SAMD12: variants seen among roughly 807,000 people sequenced by gnomAD.
SAMD12 encodes the protein sterile alpha motif domain containing 12.
A neutral mutation model predicts 15.0 loss-of-function variants in SAMD12; 9 were observed. The observed-to-expected ratio is 0.60, with a 90% CI of 0.36 to 1.05. The LOEUF (loss-of-function observed/expected upper bound fraction) is 1.05. Ranked by LOEUF, SAMD12 falls within the 50% of genes least tolerant of loss-of-function variation. The pLI is 0.01. For missense variants in SAMD12, 230 were observed against 234.2 expected (o/e 0.98, Z 0.12); for synonymous variants, 86 against 90.1 (o/e 0.96, Z 0.25).
At chr8:118,145,452 C>T in the SAMD12 span, among the ~76,000 whole-genome samples, 1 of 152,310 alleles carries the variant, frequency 6.6e-6, no homozygotes, top group East Asian at 1.9e-4. Context: ...TTCATTCATT[C>T]AATCCTTTCA....
At chr8:118,281,256 A>G (rs1310210495) in intron 4 of SAMD12, among the ~76,000 whole-genome samples, 2 of 152,216 alleles carry the variant, frequency 1.3e-5, no homozygotes, top group Non-Finnish European at 2.9e-5. Flanking sequence ...AGTAGTAAGA[A>G]GGAAAGAACT....
At chr8:118,487,956 C>A (rs1824334404) in intron 2 of SAMD12, among the ~76,000 whole-genome samples, 1 of 152,100 alleles carries the variant, frequency 6.6e-6, no homozygotes. Context: ...TCCATTGTTA[C>A]CCCACAACAG....
At chr8:118,532,639 A>G (rs191562635) in intron 2 of SAMD12, among the ~76,000 whole-genome samples, 1 of 152,232 alleles carries the variant, frequency 6.6e-6, no homozygotes, top group African/African-American at 2.4e-5. Context: ...CTATTCAGAG[A>G]TTCAATTTCT....
chr8:118,235,724 A>C (rs552335428), intron 4 of SAMD12, among the ~76,000 whole-genome samples: 2 of 152,286 alleles, frequency 1.3e-5, no homozygotes, highest in East Asian at 3.9e-4. Flanking sequence ...CAAAAGAAAC[A>C]AGGACCACCA....
intron 2 of SAMD12, among the ~76,000 whole-genome samples, chr8:118,501,815 G>C (rs1007703605): frequency 6.6e-6 from 1 of 152,188 alleles, no homozygotes; most frequent in Non-Finnish European, 1.5e-5. Flanking sequence ...AGGAGATCGA[G>C]ACCATCCTGG....
chr8:118,490,548 A>C (rs1460371410), intron 2 of SAMD12, among the ~76,000 whole-genome samples: 1 of 152,216 alleles, frequency 6.6e-6, no homozygotes, highest in Non-Finnish European at 1.5e-5. Context: ...GGTTCAGCTA[A>C]GAGTAACAAC....
exon 5 of SAMD12, chr8:118,195,878 G>C (rs758378122): frequency 4.6e-5 from 7 of 152,410 alleles, no homozygotes; most frequent in Non-Finnish European, 8.8e-5. Context: ...ATGGGCAGTG[G>C]AGACTGGAAT....
intron 1 of SAMD12, 177 bp downstream of exon 1, chr8:118,621,623 GAATT>G (rs1366000033): frequency 6.0e-6 from 4 of 670,554 alleles, no homozygotes; most frequent in Non-Finnish European, 1.1e-5. Context: ...CAAAGCAACT[GAATT>G]AAAGCGCCTA....
intron 4 of SAMD12, among the ~76,000 whole-genome samples, chr8:118,303,112 G>C (rs1815134112): frequency 6.6e-6 from 1 of 152,152 alleles, no homozygotes; most frequent in Admixed American, 6.5e-5. Context: ...ACTTACAAAA[G>C]ATATGTTTTC....
At chr8:118,602,247 C>T (rs571420912) in intron 1 of SAMD12, among the ~76,000 whole-genome samples, 1 of 152,206 alleles carries the variant, frequency 6.6e-6, no homozygotes, top group African/African-American at 2.4e-5. Context: ...AGTGTGTACA[C>T]GTGCACTACA....
intron 4 of SAMD12, among the ~76,000 whole-genome samples, chr8:118,298,073 C>A (rs1814814374): frequency 5.0e-5 from 1 of 19,868 alleles, no homozygotes; most frequent in Non-Finnish European, 8.7e-5. Context: ...TGTGGTCACA[C>A]CTACCTGGTA....
chr8:118,282,502 A>G (rs1813698586), intron 4 of SAMD12, among the ~76,000 whole-genome samples: 1 of 152,226 alleles, frequency 6.6e-6, no homozygotes, highest in African/African-American at 2.4e-5. Context: ...AACACACAAT[A>G]TCTTGCTTTA....
intron 4 of SAMD12, among the ~76,000 whole-genome samples, chr8:118,273,941 GTGTCTACTTTGTGCCCA>G (rs1477038749): frequency 6.6e-6 from 1 of 152,206 alleles, no homozygotes; most frequent in African/African-American, 2.4e-5. Context: ...GATCTATCCA[GTGTCTACTTTGTGCCCA>G]TCATTGCGCT....
chr8:118,198,880 C>T (rs1359532744), intron 4 of SAMD12, among the ~76,000 whole-genome samples: 1 of 150,936 alleles, frequency 6.6e-6, no homozygotes, highest in Non-Finnish European at 1.5e-5. Context: ...GGAGTATATC[C>T]TAAGGAAATA....
intron 4 of SAMD12, among the ~76,000 whole-genome samples, chr8:118,320,652 C>T (rs1357234789): frequency 2.4e-5 from 3 of 124,346 alleles, no homozygotes; most frequent in African/African-American, 6.8e-5. Flanking sequence ...GAACATCACA[C>T]ACCGGGGCCT....
chr8:118,586,082 C>A (rs912200959), intron 1 of SAMD12, among the ~76,000 whole-genome samples: 2 of 152,102 alleles, frequency 1.3e-5, no homozygotes, highest in African/African-American at 2.4e-5. Flanking sequence ...TGAAAACACT[C>A]CCAGTTGCCC....
At chr8:118,604,167 C>T (rs901271793) in intron 1 of SAMD12, among the ~76,000 whole-genome samples, 8 of 152,238 alleles carry the variant, frequency 5.3e-5, no homozygotes, top group African/African-American at 1.9e-4. Context: ...CTACCCAGAG[C>T]CTGTTTCCTT....
chr8:118,314,272 A>C (rs1025024263), intron 4 of SAMD12, among the ~76,000 whole-genome samples: 7 of 152,222 alleles, frequency 4.6e-5, no homozygotes, highest in Non-Finnish European at 1.5e-5. Flanking sequence ...AAAATATACC[A>C]GCTTTCTTCT....
chr8:118,449,808 A>C (rs1382953435), intron 2 of SAMD12, among the ~76,000 whole-genome samples: 7 of 150,092 alleles, frequency 4.7e-5, no homozygotes, highest in Non-Finnish European at 7.4e-5. Context: ...CAAAAAAAAA[A>C]AAAAAAAAAC....
Sources: gnomAD v4.1 joint callset for allele counts (sites outside exome capture counted in the v4.1 genomes callset) on GRCh38, gnomAD v4.1.1 for gene constraint, MANE v1.5 for transcripts, NCBI Gene and HGNC (gene_info 2026-07-23, HGNC 2026-07-21) for gene names.